GABRR3: variants seen among roughly 807,000 people sequenced by gnomAD.
The protein encoded by GABRR3 is gamma-aminobutyric acid receptor subunit rho-3.
GABRR3 carries 29 observed loss-of-function variants against 43.2 expected under a neutral mutation model. The observed-to-expected ratio is 0.67, with a 90% confidence interval of 0.50 to 0.92. GABRR3 has a LOEUF of 0.92. Among genes scored for constraint, GABRR3 ranks in the 40% least tolerant of loss-of-function variants. The pLI is 0.00. For missense variants in GABRR3, 576 were observed against 572.3 expected (o/e 1.01, Z -0.07); for synonymous variants, 206 against 195.9 (o/e 1.05, Z -0.43).
intron 2 of GABRR3, among the ~76,000 whole-genome samples, chr3:98,026,190 A>G (rs537090835): frequency 7.9e-5 from 12 of 152,206 alleles, no homozygotes; most frequent in Admixed American, 1.3e-4. Flanking sequence ...TTCTACAAAG[A>G]CAAAATGAGC....
intron 3 of GABRR3, among the ~76,000 whole-genome samples, chr3:98,024,100 G>T (rs1382388681): frequency 6.6e-6 from 1 of 152,226 alleles, no homozygotes; most frequent in East Asian, 1.9e-4. Flanking sequence ...GCTTACACCT[G>T]TAATCCCAGC....
Position 98,007,745 on chromosome 3 carries a change from C to G in GABRR3, c.754+19G>C. The G allele has an allele frequency of 6.2e-7, 1 of 1,612,744 alleles. No homozygotes were observed. Among genetic ancestry groups the G allele is most frequent in the South Asian group, 1.1e-5 (1 of 90,694 alleles). ...ATGTCCAATAAATGCTGATGAATCA[C>G]CCATGTAAAATGCTGTACCTGTGCT... On this transcript the variant is annotated intron_variant, in intron 7 of 9. Coordinates refer to ENST00000621172, the Ensembl canonical transcript of GABRR3.
chr3:97,991,038 G>C (rs1039581291), intron 9 of GABRR3, among the ~76,000 whole-genome samples: 1 of 152,204 alleles, frequency 6.6e-6, no homozygotes, highest in African/African-American at 2.4e-5. Context: ...AAAAGATTGT[G>C]TATAATATCA....
At chr3:98,012,257 T>C in intron 5 of GABRR3, 87 bp downstream of exon 5, 2 of 918,942 alleles carry the variant, frequency 2.2e-6, no homozygotes, top group South Asian at 3.3e-5. Context: ...AGCAACATTG[T>C]GAGTTTCATC....
intron 7 of GABRR3, among the ~76,000 whole-genome samples, chr3:98,005,260 A>G (rs1706711448): frequency 6.6e-6 from 1 of 151,934 alleles, no homozygotes; most frequent in Admixed American, 6.6e-5. Context: ...ACAGATATGT[A>G]TATAAGCACT....
intron 3 of GABRR3, 50 bp from the exon 4 acceptor site, chr3:98,017,772 T>A (rs780849229): frequency 1.7e-5 from 21 of 1,209,726 alleles, no homozygotes; most frequent in Non-Finnish European, 2.5e-5. Flanking sequence ...TATAATCATT[T>A]TAAAACCATT....
chr3:98,030,595 G>A (rs1043997757), intron 2 of GABRR3, among the ~76,000 whole-genome samples: 8 of 152,142 alleles, frequency 5.3e-5, no homozygotes, highest in African/African-American at 1.4e-4. Flanking sequence ...ATCCATTATT[G>A]CTATTGTTAT....
chr3:98,012,082 G>T (rs1324504259), intron 5 of GABRR3, among the ~76,000 whole-genome samples: 1 of 152,174 alleles, frequency 6.6e-6, no homozygotes, highest in African/African-American at 2.4e-5. Flanking sequence ...TTGTGTGCCA[G>T]ATTTTAGGAT....
intron 5 of GABRR3, among the ~76,000 whole-genome samples, chr3:98,010,190 T>A (rs1706771429): frequency 6.6e-6 from 1 of 152,146 alleles, no homozygotes; most frequent in South Asian, 2.1e-4. Flanking sequence ...TTACCTATAT[T>A]ATAATGAAAG....
chr3:98,012,400 A>C, exon 5 of GABRR3: 1 of 1,613,934 alleles, frequency 6.2e-7, no homozygotes. Context: ...TATTCTCCAT[A>C]GTTGTATCAT....
chr3:98,005,157 G>GT (rs1226587039), intron 7 of GABRR3, among the ~76,000 whole-genome samples: 1 of 150,670 alleles, frequency 6.6e-6, no homozygotes, highest in Admixed American at 6.7e-5. Context: ...AAATACAAGT[G>GT]TTTTTTGTAC....
intron 3 of GABRR3, among the ~76,000 whole-genome samples, chr3:98,024,840 A>C (rs902122890): frequency 6.6e-6 from 1 of 152,228 alleles, no homozygotes; most frequent in African/African-American, 2.4e-5. Flanking sequence ...TGGTACCCTC[A>C]GTGATGCAAC....
chr3:98,023,003 AAG>A (rs1050476222), intron 3 of GABRR3, among the ~76,000 whole-genome samples: 9 of 152,102 alleles, frequency 5.9e-5, no homozygotes, highest in African/African-American at 1.9e-4. Context: ...GTTTTAAGAT[AAG>A]AGAGGAGAGT....
intron 9 of GABRR3, among the ~76,000 whole-genome samples, chr3:97,989,062 G>A (rs576009686): frequency 6.6e-6 from 1 of 151,720 alleles, no homozygotes; most frequent in East Asian, 1.9e-4. Flanking sequence ...GGTGGTGATG[G>A]TGGTGGATGG....
At chr3:98,027,331 C>T (rs1228188318) in intron 2 of GABRR3, among the ~76,000 whole-genome samples, 1 of 152,076 alleles carries the variant, frequency 6.6e-6, no homozygotes, top group East Asian at 1.9e-4. Flanking sequence ...GATCCACCGG[C>T]CTAGAAAATA....
intron 5 of GABRR3, 100 bp from the exon 6 acceptor site, chr3:98,009,138 T>A: frequency 1.3e-6 from 1 of 749,984 alleles, no homozygotes; most frequent in Non-Finnish European, 2.2e-6. Context: ...TGGTTCTGTG[T>A]GTCTTTCAAG....
At chr3:98,000,111 T>C (rs1274619954) in intron 8 of GABRR3, 1 of 152,094 alleles carries the variant, frequency 6.6e-6, no homozygotes, top group Non-Finnish European at 1.5e-5. Context: ...ATAATTTTTT[T>C]AAAAAGTGGG....
chr3:97,986,324 G>A (rs1706386626), downstream of GABRR3, among the ~76,000 whole-genome samples: 1 of 152,168 alleles, frequency 6.6e-6, no homozygotes, highest in African/African-American at 2.4e-5. Flanking sequence ...CACTTGGCTG[G>A]CACTAAGAAA....
At chr3:98,025,950 G>T (rs1447341190) in intron 2 of GABRR3, among the ~76,000 whole-genome samples, 1 of 152,116 alleles carries the variant, frequency 6.6e-6, no homozygotes, top group Non-Finnish European at 1.5e-5. Context: ...TCAGAATACG[G>T]TTTTTAGACC....
Sources: allele counts gnomAD v4.1 joint callset (sites outside exome capture counted in the v4.1 genomes callset), GRCh38; gene constraint gnomAD v4.1.1; transcripts MANE v1.5; gene names NCBI Gene and HGNC (gene_info 2026-07-23, HGNC 2026-07-21).